Variants in PDE1A observed in about 807,000 individuals in gnomAD.
PDE1A encodes the protein dual specificity calcium/calmodulin-dependent 3',5'-cyclic nucleotide phosphodiesterase 1A.
In PDE1A, 35 loss-of-function variants were observed where a neutral mutation model predicts 61.7. That is an observed-to-expected ratio of 0.57 (90% CI 0.43 to 0.75). PDE1A has a LOEUF of 0.75. Among genes scored for constraint, PDE1A ranks in the 30% least tolerant of loss-of-function variants. The pLI, the probability that PDE1A is intolerant of heterozygous loss-of-function variation, is 0.00. For synonymous variants in PDE1A, 232 were observed against 213.2 expected, an observed-to-expected ratio of 1.09 and a Z score of -0.77; for missense variants, 597 against 630.6, an observed-to-expected ratio of 0.95 and a Z score of 0.57.
At chr2:182,704,903 A>G in the PDE1A span, among the ~76,000 whole-genome samples, 1 of 152,254 alleles carries the variant, frequency 6.6e-6, no homozygotes, top group Non-Finnish European at 1.5e-5. Flanking sequence ...GGTCCCCAAC[A>G]GTCCCTAGAT....
chr2:182,374,508 G>A (rs1025435709), intron 1 of PDE1A, among the ~76,000 whole-genome samples: 21 of 152,018 alleles, frequency 1.4e-4, no homozygotes, highest in African/African-American at 4.6e-4. Flanking sequence ...ATTTAAAAGA[G>A]ACAGTTTTAA....
chr2:182,464,331 C>A (rs1338370341), intron 2 of PDE1A, among the ~76,000 whole-genome samples: 1 of 152,024 alleles, frequency 6.6e-6, no homozygotes, highest in Admixed American at 6.6e-5. Context: ...AAGGCAAATA[C>A]CCTATTCCAA....
chr2:182,552,034 A>G, the PDE1A span, among the ~76,000 whole-genome samples: 1 of 152,260 alleles, frequency 6.6e-6, no homozygotes, highest in South Asian at 2.1e-4. Context: ...TTTGACTTCC[A>G]ATGATCACTA....
At chr2:182,291,780 C>T (rs753468857) in intron 1 of PDE1A, among the ~76,000 whole-genome samples, 6 of 151,946 alleles carry the variant, frequency 3.9e-5, no homozygotes, top group East Asian at 1.9e-4. Flanking sequence ...GGGGGTCTGC[C>T]GAAAGGGCAT....
chr2:182,189,162 T>C (rs1247473517), intron 10 of PDE1A, 102 bp from the exon 11 acceptor site: 2 of 628,668 alleles, frequency 3.2e-6, no homozygotes, highest in Non-Finnish European at 5.5e-6. Context: ...TTTCATTTCT[T>C]AATTAGCAAT....
intron 2 of PDE1A, among the ~76,000 whole-genome samples, chr2:182,434,702 A>G (rs1182623870): frequency 2.0e-5 from 3 of 152,016 alleles, no homozygotes; most frequent in Non-Finnish European, 4.4e-5. Context: ...AAAATTAACA[A>G]TACAACTGAG....
intron 1 of PDE1A, among the ~76,000 whole-genome samples, chr2:182,283,727 A>G (rs1693975155): frequency 6.6e-6 from 1 of 152,116 alleles, no homozygotes; most frequent in Admixed American, 6.6e-5. Context: ...TTGAAAACAA[A>G]AGACAAAGAA....
chr2:182,371,770 A>C (rs1700138965), intron 1 of PDE1A, among the ~76,000 whole-genome samples: 1 of 152,088 alleles, frequency 6.6e-6, no homozygotes, highest in Non-Finnish European at 1.5e-5. Context: ...AATGACCTAC[A>C]AAATGAATTA....
chr2:182,167,424 TC>T (rs1224418057), downstream of PDE1A, among the ~76,000 whole-genome samples: 2 of 152,110 alleles, frequency 1.3e-5, no homozygotes, highest in African/African-American at 4.8e-5. Flanking sequence ...AAATTCCTCC[TC>T]ATTTTAATGC....
chr2:182,691,118 A>C, the PDE1A span, among the ~76,000 whole-genome samples: 9 of 152,244 alleles, frequency 5.9e-5, no homozygotes, highest in Admixed American at 2.6e-4. Context: ...GGTAATTTAT[A>C]GATTCAATGC....
At chr2:182,572,832 G>C in the PDE1A span, among the ~76,000 whole-genome samples, 2 of 139,422 alleles carry the variant, frequency 1.4e-5, no homozygotes, top group African/African-American at 5.6e-5. Flanking sequence ...TTGCGCCACT[G>C]CACTCCAGTC....
chr2:182,596,019 T>TGAGA, the PDE1A span, among the ~76,000 whole-genome samples: 1 of 152,072 alleles, frequency 6.6e-6, no homozygotes, highest in Non-Finnish European at 1.5e-5. Flanking sequence ...TGATTCAAGG[T>TGAGA]GAGAAACACC....
chr2:182,589,948 T>TA, the PDE1A span, among the ~76,000 whole-genome samples: 557 of 152,308 alleles, frequency 3.7e-3, 4 homozygotes, highest in African/African-American at 0.013. Flanking sequence ...ACCACGCTAT[T>TA]AGCTTTTGGT....
chr2:182,362,370 T>G (rs1699560366), intron 1 of PDE1A, among the ~76,000 whole-genome samples: 1 of 151,696 alleles, frequency 6.6e-6, no homozygotes, highest in Non-Finnish European at 1.5e-5. Flanking sequence ...AGAAATAAAA[T>G]AAAATAATGT....
chr2:182,301,464 G>A (rs1356833658), intron 1 of PDE1A, among the ~76,000 whole-genome samples: 3 of 152,110 alleles, frequency 2.0e-5, no homozygotes, highest in African/African-American at 7.2e-5. Flanking sequence ...TGCTTCCCAT[G>A]TTCCACTTTC....
At chr2:182,212,381 C>T (rs1368017167) in intron 7 of PDE1A, among the ~76,000 whole-genome samples, 1 of 152,060 alleles carries the variant, frequency 6.6e-6, no homozygotes, top group Non-Finnish European at 1.5e-5. Flanking sequence ...CTACTCTTGG[C>T]AATCTTTTAG....
chr2:182,380,029 C>T (rs959103018), intron 1 of PDE1A, among the ~76,000 whole-genome samples: 4 of 151,800 alleles, frequency 2.6e-5, no homozygotes, highest in African/African-American at 9.7e-5. Context: ...TTTACTCTAT[C>T]ATGCCTCTCT....
intron 2 of PDE1A, among the ~76,000 whole-genome samples, chr2:182,465,413 ATT>A (rs72396359): frequency 4.0e-5 from 6 of 151,022 alleles, no homozygotes; most frequent in East Asian, 1.9e-4. Flanking sequence ...AAAAATTTTA[ATT>A]TTTTTTTTAA....
At chr2:182,387,340 G>A (rs1443372011) in intron 1 of PDE1A, among the ~76,000 whole-genome samples, 1 of 151,738 alleles carries the variant, frequency 6.6e-6, no homozygotes, top group Non-Finnish European at 1.5e-5. Context: ...TTGTTTATCT[G>A]CTGACCTTCC....
Sources: gnomAD v4.1 joint callset for allele counts (sites outside exome capture counted in the v4.1 genomes callset) on GRCh38, gnomAD v4.1.1 for gene constraint, MANE v1.5 for transcripts, NCBI Gene and HGNC (gene_info 2026-07-23, HGNC 2026-07-21) for gene names.